Variants in GTF2F2 observed in about 807,000 individuals in gnomAD.
GTF2F2 encodes the protein ATP-dependent helicase GTF2F2.
In GTF2F2, 23 loss-of-function variants were observed where a neutral mutation model predicts 42.2. The ratio of observed to expected loss-of-function variants is 0.55; its 90% CI spans 0.39 to 0.77. GTF2F2 has a LOEUF of 0.77. Among genes scored for constraint, GTF2F2 ranks in the 30% least tolerant of loss-of-function variants. The probability of loss-of-function intolerance (pLI) is 0.00; values close to 1 mark genes in which losing one functional copy is unlikely to be tolerated. For missense variants in GTF2F2, 261 were observed against 287.2 expected, an observed-to-expected ratio of 0.91 and a Z score of 0.66; for synonymous variants, 105 against 100.8, an observed-to-expected ratio of 1.04 and a Z score of -0.25.
intron 4 of GTF2F2, among the ~76,000 whole-genome samples, chr13:45,173,669 A>G (rs536223190): frequency 8.2e-4 from 115 of 140,634 alleles, no homozygotes; most frequent in Admixed American, 1.5e-3. Flanking sequence ...CCAGGCTGGA[A>G]TGCAGTGGCA....
At position 45,278,828 on chromosome 13, in the gene GTF2F2, T is replaced by C. The variant is rs544502210; in HGVS notation, c.631-4614T>C. 5.2e-3 allele frequency among the ~76,000 whole-genome samples: 718 copies of C among 136,844 alleles called. 25 individuals carry two copies. The highest frequency in any genetic ancestry group is 0.047 in the Admixed American group (640 of 13,728). The allele number at this position is 136,844 out of a possible 152,430, so 89.8% of individuals were successfully genotyped here. On this transcript the variant is annotated intron_variant, in intron 7 of 7. Coordinates refer to ENST00000340473, the MANE Select transcript of GTF2F2 (RefSeq NM_004128.3). ...CCTTTTTCTTTTTCTTTTTTTTTTT[T>C]TTTTTTTTTTTTTGAGGTGGAATCT...
At chr13:45,275,583 C>G (rs946137690) in intron 7 of GTF2F2, among the ~76,000 whole-genome samples, 1 of 151,654 alleles carries the variant, frequency 6.6e-6, no homozygotes, top group Non-Finnish European at 1.5e-5. Flanking sequence ...ATAGTTTGCT[C>G]AGAATGATGG....
Position 45,258,362 on chromosome 13 carries a change from CA to C in GTF2F2, c.486+5405del, listed in dbSNP as rs563202331. Among the ~76,000 whole-genome samples, 1,062 of 134,802 alleles carry C rather than the reference CA, an allele frequency of 7.9e-3. 5 individuals are homozygous for C. Among genetic ancestry groups the C allele is most frequent in the Middle Eastern group, 0.019 (5 of 264 alleles). 88.4% of individuals were successfully genotyped at this position (134,802 alleles called of 152,430 possible). ...CTGCTGCAGAGGTGCTCCTGCAATA[CA>C]AAAAAAAAAAAAGAAGAAAAATCTC... On this transcript the variant is annotated intron_variant, in intron 6 of 7. Transcript: ENST00000340473.
At chr13:45,185,693 A>G (rs115354350) in intron 4 of GTF2F2, among the ~76,000 whole-genome samples, 1,911 of 152,348 alleles carry the variant, frequency 0.013, 42 homozygotes, top group African/African-American at 0.04. Context: ...AACATGTTGT[A>G]TACCATAAAT....
chr13:45,203,598 C>A (rs557400380), intron 4 of GTF2F2, among the ~76,000 whole-genome samples: 5 of 152,128 alleles, frequency 3.3e-5, no homozygotes, highest in African/African-American at 9.6e-5. Context: ...TATAGAAACA[C>A]CCCCCAAACT....
chr13:45,172,766 G>A (rs758400730), intron 4 of GTF2F2, among the ~76,000 whole-genome samples: 39 of 152,140 alleles, frequency 2.6e-4, no homozygotes, highest in Admixed American at 1.2e-3. Context: ...ATCAGGAGTT[G>A]TTTATGGACT....
intron 7 of GTF2F2, among the ~76,000 whole-genome samples, chr13:45,268,741 C>G (rs982328196): frequency 2.6e-5 from 4 of 151,956 alleles, no homozygotes; most frequent in Admixed American, 1.3e-4. Context: ...AGACGAGATT[C>G]TCATGGAATT....
At chr13:45,273,278 G>A (rs1389480394) in intron 7 of GTF2F2, among the ~76,000 whole-genome samples, 1 of 151,742 alleles carries the variant, frequency 6.6e-6, no homozygotes, top group Non-Finnish European at 1.5e-5. Flanking sequence ...ATCTTACTAT[G>A]TTGCTTGCTG....
At chr13:45,158,088 G>A (rs914902655) in intron 4 of GTF2F2, among the ~76,000 whole-genome samples, 2 of 152,024 alleles carry the variant, frequency 1.3e-5, no homozygotes, top group Non-Finnish European at 2.9e-5. Context: ...ACACATTTCT[G>A]GATACCACTT....
Position 45,267,527 on chromosome 13 carries a change from AT to A in GTF2F2, c.630+156del, listed in dbSNP as rs2138264840. On this transcript the variant is annotated intron_variant, in intron 7 of 7. Coordinates refer to ENST00000340473, the MANE Select transcript of GTF2F2 (RefSeq NM_004128.3). ...TCAGAAAAGATGTCTTAATGCAGCCATTTTTGGTAACATCAGCTTTTATTTT... is the reference window on the plus strand; with the variant it reads ...TCAGAAAAGATGTCTTAATGCAGCCATTTTGGTAACATCAGCTTTTATTTT... 1.2e-5 allele frequency: 6 copies of A among 518,366 alleles called. No homozygotes were observed. In the South Asian group the frequency reaches 1.9e-4, roughly 16 times the overall value. 32.1% of individuals were successfully genotyped at this position (518,366 alleles called of 1,614,324 possible).
At chr13:45,263,862 T>G in intron 6 of GTF2F2, 3 of 190,232 alleles carry the variant, frequency 1.6e-5, no homozygotes, top group Non-Finnish European at 3.4e-5. Flanking sequence ...AAATTAGGAT[T>G]CCATGAAAGA....
intron 4 of GTF2F2, among the ~76,000 whole-genome samples, chr13:45,164,686 A>G (rs1026208382): frequency 2.0e-5 from 3 of 152,152 alleles, no homozygotes; most frequent in Non-Finnish European, 2.9e-5. Context: ...TGATTGTGCC[A>G]CTGCACTCCA....
chr13:45,133,746 T>TC (rs1451951754), intron 1 of GTF2F2, among the ~76,000 whole-genome samples: 1 of 152,206 alleles, frequency 6.6e-6, no homozygotes, highest in Non-Finnish European at 1.5e-5. Flanking sequence ...TGATTAACTG[T>TC]CTTTGTCCTG....
chr13:45,271,939 T>C (rs1223751870), intron 7 of GTF2F2, among the ~76,000 whole-genome samples: 3 of 152,172 alleles, frequency 2.0e-5, no homozygotes, highest in Non-Finnish European at 4.4e-5. Flanking sequence ...TTTTAATGTT[T>C]GAAGCTTATT....
chr13:45,267,425 CACG>C (rs745648340), intron 7 of GTF2F2, 49 bp downstream of exon 7: 32 of 1,239,114 alleles, frequency 2.6e-5, no homozygotes, highest in East Asian at 1.7e-4. Context: ...CCTTCATTAA[CACG>C]ACATTACTGA....
chr13:45,242,452 C>G (rs886616407), intron 5 of GTF2F2, among the ~76,000 whole-genome samples: 4 of 151,962 alleles, frequency 2.6e-5, no homozygotes, highest in African/African-American at 2.4e-5. Flanking sequence ...AATACACATT[C>G]TTTTGTAGAA....
At chr13:45,168,885 C>CTCCT (rs1871444164) in intron 4 of GTF2F2, among the ~76,000 whole-genome samples, 1 of 252 alleles carries the variant, frequency 4.0e-3, no homozygotes, top group Non-Finnish European at 6.8e-3. Flanking sequence ...CCCTCCTTCC[C>CTCCT]TCCCTCCCTC....
intron 5 of GTF2F2, among the ~76,000 whole-genome samples, chr13:45,217,297 CAAAAA>C (rs397851526): frequency 1.2e-5 from 1 of 85,508 alleles, no homozygotes; most frequent in African/African-American, 3.7e-5. Context: ...GACTCCATCT[CAAAAA>C]AAAAAAAAAA....
intron 4 of GTF2F2, among the ~76,000 whole-genome samples, chr13:45,164,523 A>G (rs1022132116): frequency 6.6e-6 from 1 of 152,172 alleles, no homozygotes; most frequent in Admixed American, 6.5e-5. Context: ...GCTTGAGCCC[A>G]GAAGTTAGAG....
Sources: allele counts gnomAD v4.1 joint callset (sites outside exome capture counted in the v4.1 genomes callset), GRCh38; gene constraint gnomAD v4.1.1; transcripts MANE v1.5; gene names NCBI Gene and HGNC (gene_info 2026-07-23, HGNC 2026-07-21).